The following L3MBTL4 variants were observed in gnomAD, a reference collection of about 807,000 sequenced individuals.
The protein encoded by L3MBTL4 is lethal(3)malignant brain tumor-like protein 4.
In L3MBTL4, 70 loss-of-function variants were observed where a neutral mutation model predicts 84.5. That is an observed-to-expected ratio of 0.83 (90% CI 0.68 to 1.01). The LOEUF is 1.01. Among genes scored for constraint, L3MBTL4 ranks in the 50% least tolerant of loss-of-function variants. The pLI is 0.00. For synonymous variants in L3MBTL4, 274 were observed against 259.8 expected (o/e 1.05, Z -0.52); for missense variants, 715 against 754.8 (o/e 0.95, Z 0.62).
intron 14 of L3MBTL4, among the ~76,000 whole-genome samples, chr18:6,121,685 C>CGTGTGTGTGTGT (rs762077935): frequency 7.1e-4 from 102 of 142,920 alleles, no homozygotes; most frequent in African/African-American, 2.2e-3. Flanking sequence ...ATTGTTTCCC[C>CGTGTGTGTGTGT]GTGTGTGTGT....
intron 14 of L3MBTL4, among the ~76,000 whole-genome samples, chr18:6,110,131 T>A (rs1403637525): frequency 6.6e-6 from 1 of 151,996 alleles, no homozygotes; most frequent in Non-Finnish European, 1.5e-5. Context: ...CCTCCCAGGC[T>A]GGGAGTGTCT....
chr18:6,044,235 AT>A (rs1435895866), intron 16 of L3MBTL4, among the ~76,000 whole-genome samples: 1 of 152,218 alleles, frequency 6.6e-6, no homozygotes, highest in Non-Finnish European at 1.5e-5. Flanking sequence ...AATAATCTGT[AT>A]AAAAATGTGC....
At position 6,165,226 on chromosome 18, in the gene L3MBTL4, G is replaced by A. The variant is rs1012494702; in HGVS notation, c.1096+6602C>T. On this transcript the variant is annotated intron_variant, in intron 13 of 18. Coordinates refer to ENST00000317931, the MANE Select transcript of L3MBTL4 (RefSeq NM_001330559.2). ...CTGATTGGTGTACCTGAAAGTGACG[G>A]GGAGAATGGAACCAAGTTGGAAAAC... Among the ~76,000 whole-genome samples, 157 of 152,266 alleles carry A rather than the reference G, an allele frequency of 1.0e-3. 1 individual carries two copies. The highest frequency in any genetic ancestry group is 3.7e-3 in the African/African-American group (154 of 41,556).
chr18:6,402,149 T>C (rs2055538902), intron 1 of L3MBTL4, among the ~76,000 whole-genome samples: 1 of 152,228 alleles, frequency 6.6e-6, no homozygotes, highest in South Asian at 2.1e-4. Flanking sequence ...TTCCAGAGTG[T>C]ATACATTCAG....
At chr18:6,355,360 A>T (rs1303671918) in intron 1 of L3MBTL4, among the ~76,000 whole-genome samples, 1 of 152,200 alleles carries the variant, frequency 6.6e-6, no homozygotes, top group Non-Finnish European at 1.5e-5. Flanking sequence ...AAGATTTCTA[A>T]TAAATTAACT....
intron 16 of L3MBTL4, among the ~76,000 whole-genome samples, chr18:5,980,636 TG>T (rs746623132): frequency 2.0e-4 from 31 of 152,088 alleles, no homozygotes; most frequent in Non-Finnish European, 4.1e-4. Context: ...TTTGTCATGT[TG>T]GCCAGGCTGG....
chr18:6,249,662 A>G (rs1399951183), intron 5 of L3MBTL4, among the ~76,000 whole-genome samples: 1 of 152,216 alleles, frequency 6.6e-6, no homozygotes, highest in Non-Finnish European at 1.5e-5. Flanking sequence ...TCTCTGTTAA[A>G]TGGTTTATTC....
intron 17 of L3MBTL4, among the ~76,000 whole-genome samples, chr18:5,968,962 C>T (rs2052494555): frequency 1.3e-5 from 2 of 152,154 alleles, no homozygotes; most frequent in African/African-American, 4.8e-5. Context: ...GGGCAACTGG[C>T]AAATGGATCC....
At chr18:6,173,900 C>A (rs2044099036) in intron 12 of L3MBTL4, among the ~76,000 whole-genome samples, 1 of 152,012 alleles carries the variant, frequency 6.6e-6, no homozygotes. Flanking sequence ...TGATACGGGG[C>A]TGAGAATGAA....
At chr18:6,002,867 G>C (rs1412757579) in intron 16 of L3MBTL4, among the ~76,000 whole-genome samples, 2 of 151,488 alleles carry the variant, frequency 1.3e-5, no homozygotes, top group African/African-American at 4.8e-5. Context: ...AAATGTAAAT[G>C]AACTAAACTC....
intron 14 of L3MBTL4, among the ~76,000 whole-genome samples, chr18:6,107,216 G>A (rs1395991154): frequency 6.6e-6 from 1 of 152,168 alleles, no homozygotes; most frequent in Non-Finnish European, 1.5e-5. Context: ...TGCAGAGGAG[G>A]CAGAGGCAGG....
chr18:6,120,107 G>A (rs1041358184), intron 14 of L3MBTL4, among the ~76,000 whole-genome samples: 1 of 152,210 alleles, frequency 6.6e-6, no homozygotes, highest in Non-Finnish European at 1.5e-5. Flanking sequence ...CAGCACAGAT[G>A]TGTTTTCAAC....
intron 16 of L3MBTL4, among the ~76,000 whole-genome samples, chr18:6,008,440 A>T (rs1314027229): frequency 1.3e-5 from 2 of 152,160 alleles, no homozygotes; most frequent in Non-Finnish European, 2.9e-5. Flanking sequence ...AAAATACTAT[A>T]GATTGGTGGC....
intron 14 of L3MBTL4, among the ~76,000 whole-genome samples, chr18:6,093,870 T>C (rs566351076): frequency 6.6e-6 from 1 of 152,352 alleles, no homozygotes; most frequent in African/African-American, 2.4e-5. Context: ...GTATCCTCAA[T>C]ATGCATTCCC....
At chr18:6,032,461 C>T (rs150574569) in intron 16 of L3MBTL4, among the ~76,000 whole-genome samples, 140 of 151,460 alleles carry the variant, frequency 9.2e-4, no homozygotes, top group Non-Finnish European at 1.5e-3. Flanking sequence ...GAACTGACCA[C>T]GGGTTGTGAT....
intron 18 of L3MBTL4, among the ~76,000 whole-genome samples, chr18:5,958,984 T>A (rs2095248557): frequency 6.6e-6 from 1 of 152,138 alleles, no homozygotes. Flanking sequence ...CGTGGCCAAC[T>A]ATGCCCAAGC....
intron 18 of L3MBTL4, among the ~76,000 whole-genome samples, chr18:5,959,580 T>C (rs565051083): frequency 2.0e-5 from 3 of 152,274 alleles, no homozygotes; most frequent in African/African-American, 7.2e-5. Context: ...GGGGCTGCTC[T>C]GGAAGCAAAT....
intron 13 of L3MBTL4, among the ~76,000 whole-genome samples, chr18:6,149,730 C>T (rs971712673): frequency 1.3e-5 from 2 of 152,142 alleles, no homozygotes; most frequent in African/African-American, 4.8e-5. Flanking sequence ...TGCCCTAAAC[C>T]TCCTTTAGCC....
Position 6,122,847 on chromosome 18 carries a change from A to G in L3MBTL4, c.1199+15347T>C, listed in dbSNP as rs557415229. 3.3e-5 allele frequency among the ~76,000 whole-genome samples: 5 copies of G among 152,360 alleles called. No individual in the cohort carries two copies. The South Asian group carries it at 1.0e-3, about 32-fold the overall frequency. ...TTATATATTTAAATCTAACTCATAT[A>G]TAAGGAAGAAACTATAGAAAGTGAC... is the stretch of plus-strand genomic sequence containing the variant. On this transcript the variant is annotated intron_variant, in intron 14 of 18. Transcript: ENST00000317931.
Sources: gnomAD v4.1 joint callset for allele counts (sites outside exome capture counted in the v4.1 genomes callset) on GRCh38, gnomAD v4.1.1 for gene constraint, MANE v1.5 for transcripts, NCBI Gene and HGNC (gene_info 2026-07-23, HGNC 2026-07-21) for gene names.